TLE6: variants seen among roughly 807,000 people sequenced by gnomAD.
The protein encoded by TLE6 is TLE family member 6, subcortical maternal complex member.
In TLE6, 72 loss-of-function variants were observed where a neutral mutation model predicts 77.1. The observed-to-expected ratio is 0.93, with a 90% CI of 0.77 to 1.14. TLE6 has a LOEUF of 1.14. Ranked by LOEUF, TLE6 falls within the 50% of genes most tolerant of loss-of-function variation. The pLI, the probability that TLE6 is intolerant of heterozygous loss-of-function variation, is 0.00. For synonymous variants in TLE6, 366 were observed against 287.3 expected (o/e 1.27, Z -2.77); for missense variants, 843 against 747.6 (o/e 1.13, Z -1.49).
In TLE6 at chr19:2,994,944, C is replaced by A; in HGVS notation, c.1659C>A (p.Asn553Lys). The A allele has an allele frequency of 6.2e-7, 1 of 1,608,878 alleles. No individual in the cohort carries two copies. The highest frequency in any genetic ancestry group is 1.3e-5 in the African/African-American group (1 of 74,992). The stretch of plus-strand genomic sequence containing the variant: ...TCACGTGCTGTGACGTCTCTTCCAA[C>A]AACCGCCTCGTTGTCACAGGCTCCG... ...SPVTCCDVSS[N>K]NRLVVTGSGE... The change falls in exon 17 of 17, where the codon AAC (asparagine) becomes AAA (lysine). Residue 553 changes from asparagine to lysine, a missense_variant. Coordinates refer to ENST00000246112, the MANE Select transcript of TLE6 (RefSeq NM_001143986.2).
intron 5 of TLE6, among the ~76,000 whole-genome samples, chr19:2,985,269 A>G (rs184401323): frequency 2.4e-3 from 366 of 151,778 alleles, no homozygotes; most frequent in African/African-American, 8.4e-3. Context: ...AAAAATTACC[A>G]CTGACTTGTT....
chr19:2,986,698 A>G (rs2088918416), intron 5 of TLE6, 131 bp from the exon 6 acceptor site: 1 of 911,678 alleles, frequency 1.1e-6, no homozygotes, highest in Admixed American at 2.4e-5. Context: ...TGGGTGACAG[A>G]GTGAGACTCT....
Position 2,986,864 on chromosome 19 carries a change from C to G in TLE6, c.258C>G (p.Ser86Arg). 1 of 1,551,750 alleles carries G rather than the reference C, an allele frequency of 6.4e-7. No homozygotes were observed. The highest frequency in any genetic ancestry group is 8.7e-7 in the Non-Finnish European group (1 of 1,147,014). Residue 86 changes from serine to arginine, a missense_variant, in exon 6 of 17, where the codon AGC becomes AGG. Coordinates refer to ENST00000246112, the MANE Select transcript of TLE6 (RefSeq NM_001143986.2). Reference sequence around the variant, plus strand: ...TCTTACAGATTGTGGAGAGCTGCAGCCAACTCCAGGGTTTCCAGTCTGAGG... The same window carrying G: ...TCTTACAGATTGTGGAGAGCTGCAGGCAACTCCAGGGTTTCCAGTCTGAGG... ...GNVLQIVESC[S>R]QLQGFQSEEV...
chr19:2,987,871 G>C (rs189893966), intron 9 of TLE6, 27 bp from the exon 10 acceptor site: 1 of 1,612,174 alleles, frequency 6.2e-7, no homozygotes, highest in East Asian at 2.2e-5. Context: ...AATGCAAGCC[G>C]CTTAGCCCCT....
At chr19:2,989,849 C>T (rs2089005950) in intron 13 of TLE6, 64 bp downstream of exon 13, 1 of 1,586,506 alleles carries the variant, frequency 6.3e-7, no homozygotes, top group African/African-American at 1.3e-5. Context: ...CCTCTGCCCA[C>T]CTTACTGCTA....
In TLE6 at chr19:2,986,071, CAAAAAAAAAAAAAAAAAAAAAAAAAAAA is replaced by C. The variant is rs547031586; in HGVS notation, c.223-746_223-719del. Among the ~76,000 whole-genome samples, 175 of 41,274 alleles carry C rather than the reference CAAAAAAAAAAAAAAAAAAAAAAAAAAAA, an allele frequency of 4.2e-3. 1 individual carries two copies. Among genetic ancestry groups the C allele is most frequent in the African/African-American group, 0.011 (167 of 15,172 alleles). The allele number at this position is 41,274 out of a possible 152,430, so 27.1% of individuals were successfully genotyped here. On this transcript the variant is annotated intron_variant, in intron 5 of 16. Coordinates refer to ENST00000246112, the MANE Select transcript of TLE6 (RefSeq NM_001143986.2). ...CCTGGGCCACAGCGTGAGACTGTCT[CAAAAAAAAAAAAAAAAAAAAAAAAAAAA>C]AAAAAAAAAAAGATATATGCCAGGT...
rs767565358 is a variant in TLE6 at position 2,994,070 on chromosome 19, T to G, written c.1589T>G (p.Met530Arg). 3 of 1,607,476 alleles carry G rather than the reference T, an allele frequency of 1.9e-6. No homozygotes were observed. Among genetic ancestry groups the G allele is most frequent in the Non-Finnish European group, 2.5e-6 (3 of 1,177,692 alleles). ...GMDDFLGVYS[M>R]PAGTKVFEVP... ...GACGACTTCCTTGGCGTCTACAGCA[T>G]GCCGGCGGGGACAAAAGTGTTCGAG... Residue 530 changes from methionine to arginine, a missense_variant, in exon 16 of 17, where the codon ATG (methionine) becomes AGG (arginine). Met to Arg is a moderately conservative substitution (Grantham distance 91). Coordinates refer to ENST00000246112, the MANE Select transcript of TLE6 (RefSeq NM_001143986.2).
At chr19:2,987,321 T>TGTCCCCCTCCTCCTCTCC (rs1374434889) in intron 7 of TLE6, 35 bp from the exon 8 acceptor site, 1 of 1,614,040 alleles carries the variant, frequency 6.2e-7, no homozygotes, top group East Asian at 2.2e-5. Context: ...CTGTTCTCTC[T>TGTCCCCCTCCTCCTCTCC]GTCCCCCTCC....
chr19:2,995,157 T>C lies in TLE6; in HGVS notation c.*153T>C. 1 of 508,096 alleles carries C rather than the reference T, an allele frequency of 2.0e-6. No individual in the cohort carries two copies. The highest frequency in any genetic ancestry group is 3.5e-6 in the Non-Finnish European group (1 of 281,922). 31.5% of individuals were successfully genotyped at this position (508,096 alleles called of 1,614,324 possible). On this transcript the variant is annotated 3_prime_UTR_variant, in exon 17 of 17. Transcript: ENST00000246112. ...GGTGTAGACTGGTCGCCATCACGTG[T>C]AATAAAGCACCCGGGAAAGGCAGAG...
chr19:2,988,113 G>C lies in TLE6; in HGVS notation c.725G>C (p.Arg242Pro), dbSNP rs760548952. 1.3e-6 allele frequency: 2 copies of C among 1,551,774 alleles called. No homozygotes were observed. Among genetic ancestry groups the C allele is most frequent in the Non-Finnish European group, 1.7e-6 (2 of 1,147,104 alleles). ...CAGGAGCCTCCTGGAAGAGCCTCTCGGTTTCTACAGTCCATGTAAGTGTCT... is the reference window on the plus strand; with the variant it reads ...CAGGAGCCTCCTGGAAGAGCCTCTCCGTTTCTACAGTCCATGTAAGTGTCT... ...VVQEPPGRAS[R>P]FLQSISWDPE... Residue 242 changes from arginine to proline, a missense_variant, in exon 11 of 17, where the codon CGG becomes CCG. Physicochemically the swap from Arg to Pro is moderately radical, Grantham distance 103. Coordinates refer to ENST00000246112, the MANE Select transcript of TLE6 (RefSeq NM_001143986.2).
intron 11 of TLE6, 156 bp from the exon 12 acceptor site, chr19:2,988,905 G>C: frequency 9.6e-7 from 1 of 1,043,882 alleles, no homozygotes; most frequent in Non-Finnish European, 1.4e-6. Context: ...GAAGGAATAT[G>C]AGCAGGACAT....
intron 12 of TLE6, 69 bp downstream of exon 12, chr19:2,989,382 C>G (rs3746075): frequency 0.27 from 438,409 of 1,596,066 alleles, 67,824 homozygotes; most frequent in African/African-American, 0.62. Flanking sequence ...TTGAGTCTGG[C>G]AGAGCCCAGA....
chr19:2,991,748 T>C (rs931179044), intron 13 of TLE6, 95 bp from the exon 14 acceptor site: 13 of 1,266,060 alleles, frequency 1.0e-5, no homozygotes, highest in Admixed American at 3.9e-5. Context: ...GTGGTGGCAC[T>C]GTCCCTTTCA....
chr19:2,991,385 T>C (rs868358781), intron 13 of TLE6, among the ~76,000 whole-genome samples: 12,340 of 107,656 alleles, frequency 0.11, 1,581 homozygotes, highest in African/African-American at 0.38. Flanking sequence ...CGTATATATA[T>C]ATATATATAT....
At chr19:2,980,821 C>G (rs1293541092) in intron 3 of TLE6, among the ~76,000 whole-genome samples, 1 of 149,120 alleles carries the variant, frequency 6.7e-6, no homozygotes, top group Non-Finnish European at 1.5e-5. Flanking sequence ...GAGGCAGAGG[C>G]AGGAAGATCG....
At chr19:2,991,389 TATATATAC>T (rs1468732409) in intron 13 of TLE6, among the ~76,000 whole-genome samples, 3 of 113,874 alleles carry the variant, frequency 2.6e-5, no homozygotes, top group African/African-American at 1.2e-4. Flanking sequence ...TATATATATA[TATATATAC>T]ACACACACAC....
intron 2 of TLE6, among the ~76,000 whole-genome samples, chr19:2,979,076 G>C (rs548319860): frequency 6.7e-6 from 1 of 149,696 alleles, no homozygotes; most frequent in South Asian, 2.1e-4. Flanking sequence ...CTCGCCTCCC[G>C]AGTAGCTGGG....
In TLE6 at chr19:2,989,541, G is replaced by A. The variant is rs1394043074; in HGVS notation, c.1000G>A (p.Gly334Arg). Residue 334 changes from glycine (G) to arginine (R), a missense_variant, in exon 13 of 17, where the codon GGG (glycine) becomes AGG (arginine). By Grantham distance (125) the Gly-to-Arg change is moderately radical (BLOSUM62 -2). Coordinates refer to ENST00000246112, the MANE Select transcript of TLE6 (RefSeq NM_001143986.2). ...PESHLPIQTPGAFLRTCLLSS... is the reference protein window; with the variant it reads ...PESHLPIQTPRAFLRTCLLSS... The stretch of plus-strand genomic sequence containing the variant: ...GTGACTCTGCCCATCCCAGACCCCT[G>A]GGGCCTTCCTGCGCACCTGCCTGCT... 1 of 1,611,782 alleles carries A rather than the reference G, an allele frequency of 6.2e-7. No individual in the cohort carries two copies.
In TLE6 at chr19:2,991,523, G is replaced by A. The variant is rs137954933; in HGVS notation, c.1245-320G>A. Among the ~76,000 whole-genome samples, 340 of 150,758 alleles carry A rather than the reference G, an allele frequency of 2.3e-3. 4 individuals are homozygous for A. Among genetic ancestry groups the A allele is most frequent in the African/African-American group, 7.9e-3 (323 of 41,006 alleles). ...GTAAAATACAGCACACCACCCGCCC[G>A]GCACTATTCCCCTTCCCTGCTTGAA... On this transcript the variant is annotated intron_variant, in intron 13 of 16. Transcript: ENST00000246112.
Sources: gnomAD v4.1 joint callset for allele counts (sites outside exome capture counted in the v4.1 genomes callset) on GRCh38, gnomAD v4.1.1 for gene constraint, MANE v1.5 for transcripts, NCBI Gene and HGNC (gene_info 2026-07-23, HGNC 2026-07-21) for gene names.